ARHGAP18: variants seen among roughly 807,000 people sequenced by gnomAD.
ARHGAP18 encodes Rho GTPase activating protein 18.
A neutral mutation model predicts 86.2 loss-of-function variants in ARHGAP18; 67 were observed. That is an observed-to-expected ratio of 0.78 (90% CI 0.64 to 0.95). The LOEUF is 0.95. Ranked by LOEUF, ARHGAP18 falls within the 40% of genes least tolerant of loss-of-function variation. The probability of loss-of-function intolerance (pLI) is 0.00; values close to 1 mark genes in which losing one functional copy is unlikely to be tolerated. For synonymous variants in ARHGAP18, 283 were observed against 280.4 expected (o/e 1.01, Z -0.09); for missense variants, 691 against 780.4 (o/e 0.89, Z 1.37).
At chr6:129,607,420 T>G (rs1289398150) in intron 9 of ARHGAP18, among the ~76,000 whole-genome samples, 1 of 152,196 alleles carries the variant, frequency 6.6e-6, no homozygotes, top group African/African-American at 2.4e-5. Context: ...CAAAATGCTT[T>G]GCTCCACACT....
At chr6:129,686,957 A>AT (rs1227100343) in intron 1 of ARHGAP18, among the ~76,000 whole-genome samples, 3 of 113,392 alleles carry the variant, frequency 2.6e-5, no homozygotes, top group Admixed American at 9.5e-5. Flanking sequence ...CACCTGGCTA[A>AT]TTTTTTTTTC....
intron 3 of ARHGAP18, among the ~76,000 whole-genome samples, chr6:129,637,410 C>A (rs1773356589): frequency 6.6e-6 from 1 of 152,196 alleles, no homozygotes; most frequent in African/African-American, 2.4e-5. Flanking sequence ...ACAGTCTCTA[C>A]CAGACCCCAC....
chr6:129,625,409 T>C (rs1789376911), intron 5 of ARHGAP18, among the ~76,000 whole-genome samples: 1 of 61,680 alleles, frequency 1.6e-5, no homozygotes, highest in Non-Finnish European at 2.5e-5. Context: ...ATGTATTATA[T>C]ATTATATATA....
intron 1 of ARHGAP18, among the ~76,000 whole-genome samples, chr6:129,697,770 AT>A (rs897579290): frequency 2.1e-4 from 32 of 152,318 alleles, no homozygotes; most frequent in African/African-American, 7.5e-4. Context: ...TCAATAATAA[AT>A]AAAAAATTAA....
intron 1 of ARHGAP18, among the ~76,000 whole-genome samples, chr6:129,695,365 T>G (rs914985422): frequency 2.7e-5 from 4 of 147,646 alleles, no homozygotes; most frequent in African/African-American, 1.0e-4. Flanking sequence ...CTGTTAACAG[T>G]GTCCAACACA....
chr6:129,652,194 T>C (rs567371473), intron 1 of ARHGAP18, among the ~76,000 whole-genome samples: 1 of 152,198 alleles, frequency 6.6e-6, no homozygotes, highest in South Asian at 2.1e-4. Flanking sequence ...TTCTCCAGGG[T>C]TTGCCTGAAG....
chr6:129,690,755 T>A (rs1774513889), intron 1 of ARHGAP18, among the ~76,000 whole-genome samples: 1 of 152,196 alleles, frequency 6.6e-6, no homozygotes, highest in South Asian at 2.1e-4. Context: ...ATAACGTATG[T>A]CACAATCTAG....
chr6:129,706,187 C>T (rs954038472), intron 1 of ARHGAP18, among the ~76,000 whole-genome samples: 1 of 152,110 alleles, frequency 6.6e-6, no homozygotes, highest in African/African-American at 2.4e-5. Context: ...TAAGAGAGAA[C>T]AGTAAGAATA....
At chr6:129,704,359 C>T (rs924491912) in intron 1 of ARHGAP18, among the ~76,000 whole-genome samples, 12 of 151,968 alleles carry the variant, frequency 7.9e-5, no homozygotes, top group African/African-American at 2.4e-5. Context: ...GCATGAGAAT[C>T]GCTTGAACCT....
chr6:129,601,631 C>T (rs971042288), intron 10 of ARHGAP18, among the ~76,000 whole-genome samples: 3 of 143,214 alleles, frequency 2.1e-5, no homozygotes, highest in Admixed American at 6.9e-5. Context: ...GAGAATCTTT[C>T]TTTTTTTTTT....
At chr6:129,655,141 A>G (rs1459569993) in intron 1 of ARHGAP18, among the ~76,000 whole-genome samples, 1 of 151,908 alleles carries the variant, frequency 6.6e-6, no homozygotes, top group Admixed American at 6.6e-5. Flanking sequence ...ACCAACATGG[A>G]GAAACCCCAT....
chr6:129,665,695 G>T (rs1466590974), intron 1 of ARHGAP18, among the ~76,000 whole-genome samples: 1 of 152,176 alleles, frequency 6.6e-6, no homozygotes, highest in Admixed American at 6.5e-5. Context: ...AGCAGAAGAG[G>T]TTAAGATCAC....
intron 1 of ARHGAP18, among the ~76,000 whole-genome samples, chr6:129,651,892 G>T (rs956585463): frequency 2.6e-4 from 39 of 152,020 alleles, no homozygotes; most frequent in African/African-American, 9.4e-4. Flanking sequence ...TAGAAAAATG[G>T]AACCCTTAGG....
chr6:129,580,511 C>T (rs1291856022), intron 13 of ARHGAP18, among the ~76,000 whole-genome samples: 1 of 152,186 alleles, frequency 6.6e-6, no homozygotes, highest in Non-Finnish European at 1.5e-5. Flanking sequence ...TTAGTTTTCA[C>T]ATTACTCTTA....
At chr6:129,679,742 C>T (rs1774293212) in intron 1 of ARHGAP18, among the ~76,000 whole-genome samples, 1 of 152,208 alleles carries the variant, frequency 6.6e-6, no homozygotes, top group African/African-American at 2.4e-5. Context: ...TTTTATTTCT[C>T]TTCCCTCCTG....
intron 7 of ARHGAP18, among the ~76,000 whole-genome samples, chr6:129,616,011 G>T (rs1789089988): frequency 6.6e-6 from 1 of 152,154 alleles, no homozygotes; most frequent in Admixed American, 6.5e-5. Context: ...GGTAATCACA[G>T]TTACAGTAAT....
chr6:129,703,979 T>A (rs933890389), intron 1 of ARHGAP18, among the ~76,000 whole-genome samples: 5 of 114,406 alleles, frequency 4.4e-5, no homozygotes, highest in South Asian at 3.6e-4. Context: ...AACAAAAAAA[T>A]ATATATATAT....
chr6:129,675,982 G>A (rs1266121616), intron 1 of ARHGAP18, among the ~76,000 whole-genome samples: 3 of 152,192 alleles, frequency 2.0e-5, no homozygotes, highest in African/African-American at 7.2e-5. Context: ...TTAAATGGCA[G>A]CTCTTATTTC....
chr6:129,617,683 A>C (rs1388642870), intron 6 of ARHGAP18, among the ~76,000 whole-genome samples: 1 of 152,194 alleles, frequency 6.6e-6, no homozygotes, highest in East Asian at 1.9e-4. Context: ...TGGGCACTGA[A>C]CCACAACTGT....
Sources: allele counts gnomAD v4.1 joint callset (sites outside exome capture counted in the v4.1 genomes callset), GRCh38; gene constraint gnomAD v4.1.1; transcripts MANE v1.5; gene names NCBI Gene and HGNC (gene_info 2026-07-23, HGNC 2026-07-21).